The following NOL4 variants were observed in gnomAD, a reference collection of about 807,000 sequenced individuals.
NOL4 encodes cancer/testis antigen 125.
A neutral mutation model predicts 75.9 loss-of-function variants in NOL4; 17 were observed. The ratio of observed to expected loss-of-function variants is 0.22; its 90% CI spans 0.15 to 0.34. The LOEUF (loss-of-function observed/expected upper bound fraction) is 0.34, where lower values mean the gene tolerates loss of function less well. Ranked by LOEUF, NOL4 falls within the 10% of genes least tolerant of loss-of-function variation. The pLI is 1.00. For missense variants in NOL4, 614 were observed against 793.5 expected (o/e 0.77, Z 2.72); for synonymous variants, 292 against 289.9 (o/e 1.01, Z -0.07).
chr18:33,928,126 T>A (rs2145371224), intron 9 of NOL4, among the ~76,000 whole-genome samples: 1 of 152,310 alleles, frequency 6.6e-6, no homozygotes, highest in Non-Finnish European at 1.5e-5. Context: ...ATGTCAGGTC[T>A]TCGTTTATCC....
At chr18:34,093,984 G>A (rs1244331491) in intron 4 of NOL4, among the ~76,000 whole-genome samples, 1 of 152,148 alleles carries the variant, frequency 6.6e-6, no homozygotes, top group Admixed American at 6.5e-5. Flanking sequence ...AGAGCTTGCA[G>A]TGAGCTGAGA....
intron 1 of NOL4, among the ~76,000 whole-genome samples, chr18:34,197,271 T>A (rs2035398255): frequency 6.6e-6 from 1 of 151,982 alleles, no homozygotes; most frequent in Non-Finnish European, 1.5e-5. Context: ...AAACCAATAA[T>A]AGATTTTTTA....
At chr18:34,205,359 C>A (rs546672499) in intron 1 of NOL4, among the ~76,000 whole-genome samples, 3 of 152,218 alleles carry the variant, frequency 2.0e-5, no homozygotes, top group African/African-American at 7.2e-5. Flanking sequence ...CTGCTTTCTA[C>A]GCCTCCCCAG....
chr18:34,072,728 C>T (rs980757483), intron 5 of NOL4, among the ~76,000 whole-genome samples: 16 of 152,106 alleles, frequency 1.1e-4, no homozygotes, highest in African/African-American at 3.9e-4. Flanking sequence ...TTTTAAACTA[C>T]TTAAATGCCT....
intron 1 of NOL4, among the ~76,000 whole-genome samples, chr18:34,204,643 C>CAA (rs146645178): frequency 0.021 from 3,138 of 152,218 alleles, 87 homozygotes; most frequent in African/African-American, 0.071. Flanking sequence ...AGCCTCCCTT[C>CAA]AAGCATATTA....
chr18:33,994,248 A>C (rs138367918), intron 6 of NOL4, among the ~76,000 whole-genome samples: 248 of 152,062 alleles, frequency 1.6e-3, no homozygotes, highest in African/African-American at 5.6e-3. Flanking sequence ...TAGAATAACT[A>C]GGCAGAGGAA....
chr18:33,964,004 C>T (rs1208289756), intron 6 of NOL4, among the ~76,000 whole-genome samples: 8 of 152,116 alleles, frequency 5.3e-5, no homozygotes, highest in African/African-American at 1.4e-4. Context: ...GAGGGAAGAA[C>T]ACATGAATTC....
At chr18:34,172,460 G>A (rs1297299215) in intron 1 of NOL4, among the ~76,000 whole-genome samples, 2 of 151,776 alleles carry the variant, frequency 1.3e-5, no homozygotes, top group Non-Finnish European at 2.9e-5. Flanking sequence ...CCATATCTTG[G>A]CTATTGTCAA....
At chr18:34,122,218 G>A (rs929522594) in intron 2 of NOL4, among the ~76,000 whole-genome samples, 5 of 152,228 alleles carry the variant, frequency 3.3e-5, no homozygotes, top group Middle Eastern at 3.4e-3. Context: ...GGTGGAGGGG[G>A]AAATGGGGAG....
chr18:34,202,443 A>G (rs900339574), intron 1 of NOL4, among the ~76,000 whole-genome samples: 1 of 151,964 alleles, frequency 6.6e-6, no homozygotes, highest in Non-Finnish European at 1.5e-5. Context: ...AAACATTAAT[A>G]TTGAAAATAT....
At chr18:34,070,177 G>A (rs1600476939) in intron 5 of NOL4, among the ~76,000 whole-genome samples, 1 of 152,212 alleles carries the variant, frequency 6.6e-6, no homozygotes, top group South Asian at 2.1e-4. Flanking sequence ...GACTACAGGT[G>A]CCTGCCACTG....
chr18:34,104,537 C>T (rs947642783), intron 3 of NOL4, among the ~76,000 whole-genome samples: 16 of 151,870 alleles, frequency 1.1e-4, no homozygotes, highest in African/African-American at 2.7e-4. Context: ...ATTTAACCTT[C>T]GAGACACAGG....
At chr18:33,958,824 C>T (rs1441179885) in intron 6 of NOL4, among the ~76,000 whole-genome samples, 3 of 151,970 alleles carry the variant, frequency 2.0e-5, no homozygotes, top group East Asian at 1.9e-4. Flanking sequence ...AATATTAGTA[C>T]TAGTATTACA....
chr18:34,074,980 TAATA>T (rs2077683727), intron 5 of NOL4, among the ~76,000 whole-genome samples: 1 of 152,192 alleles, frequency 6.6e-6, no homozygotes, highest in South Asian at 2.1e-4. Context: ...AGTAAGTACT[TAATA>T]ATTAAGAAAT....
chr18:34,076,585 G>C (rs1044483104), intron 5 of NOL4, among the ~76,000 whole-genome samples: 1 of 152,126 alleles, frequency 6.6e-6, no homozygotes, highest in Admixed American at 6.5e-5. Flanking sequence ...TCAGACTGGA[G>C]GGTGTTTCTT....
intron 5 of NOL4, among the ~76,000 whole-genome samples, chr18:34,058,385 T>C (rs534496622): frequency 9.2e-5 from 14 of 152,266 alleles, no homozygotes; most frequent in African/African-American, 7.2e-5. Context: ...CTGCCCGCCT[T>C]GGCCTCCCAA....
intron 10 of NOL4, among the ~76,000 whole-genome samples, chr18:33,878,327 C>G (rs192027775): frequency 5.6e-4 from 85 of 152,092 alleles, no homozygotes; most frequent in Non-Finnish European, 1.0e-3. Flanking sequence ...TATTTGTATA[C>G]GTTATCTTTC....
chr18:34,187,771 T>C (rs148780683), intron 1 of NOL4, among the ~76,000 whole-genome samples: 77 of 152,358 alleles, frequency 5.1e-4, no homozygotes, highest in African/African-American at 1.8e-3. Context: ...AACTTGTTAC[T>C]TTTAGGTTTT....
intron 5 of NOL4, among the ~76,000 whole-genome samples, chr18:34,045,296 T>C (rs545625183): frequency 1.3e-5 from 2 of 152,266 alleles, no homozygotes; most frequent in African/African-American, 4.8e-5. Context: ...TCTTTCCCAT[T>C]TATTTTCTAT....
Sources: allele counts gnomAD v4.1 joint callset (sites outside exome capture counted in the v4.1 genomes callset), GRCh38; gene constraint gnomAD v4.1.1; transcripts MANE v1.5; gene names NCBI Gene and HGNC (gene_info 2026-07-23, HGNC 2026-07-21).